The following CDH13 variants were observed in gnomAD, a reference collection of about 807,000 sequenced individuals.
The protein encoded by CDH13 is cadherin-13.
In CDH13, 24 loss-of-function variants were observed where a neutral mutation model predicts 63.8. That is an observed-to-expected ratio of 0.38 (90% CI 0.27 to 0.53). CDH13 has a LOEUF of 0.53. Ranked by LOEUF, CDH13 falls within the 20% of genes least tolerant of loss-of-function variation. CDH13 has a pLI of 0.85. For synonymous variants in CDH13, 503 were observed against 355.3 expected (o/e 1.42, Z -4.67); for missense variants, 1,049 against 903.1 (o/e 1.16, Z -2.07).
At chr16:83,571,884 G>A (rs556682740) in intron 7 of CDH13, among the ~76,000 whole-genome samples, 11 of 152,100 alleles carry the variant, frequency 7.2e-5, no homozygotes, top group Non-Finnish European at 7.4e-5. Flanking sequence ...CGTGCACTCC[G>A]GCCACAGAAC....
intron 5 of CDH13, among the ~76,000 whole-genome samples, chr16:83,300,053 A>G (rs967041256): frequency 6.6e-6 from 1 of 152,228 alleles, no homozygotes; most frequent in African/African-American, 2.4e-5. Context: ...CACTTTTGCC[A>G]TATTCTGTTC....
At chr16:82,929,061 C>G (rs1412512361) in intron 2 of CDH13, among the ~76,000 whole-genome samples, 1 of 152,066 alleles carries the variant, frequency 6.6e-6, no homozygotes, top group South Asian at 2.1e-4. Flanking sequence ...TTTTTGGAAC[C>G]ATTGTTTGTA....
intron 3 of CDH13, among the ~76,000 whole-genome samples, chr16:83,033,992 C>T (rs964921052): frequency 2.0e-5 from 3 of 152,022 alleles, no homozygotes; most frequent in South Asian, 2.1e-4. Flanking sequence ...AGTGGTGGAG[C>T]GAGTGTGGGT....
intron 3 of CDH13, among the ~76,000 whole-genome samples, chr16:83,121,743 G>A (rs978999770): frequency 9.2e-5 from 14 of 152,128 alleles, no homozygotes; most frequent in African/African-American, 1.4e-4. Context: ...TGAATGTAAC[G>A]TTTGGATGGG....
intron 3 of CDH13, among the ~76,000 whole-genome samples, chr16:83,061,271 C>G (rs2031525183): frequency 6.6e-6 from 1 of 152,168 alleles, no homozygotes; most frequent in Non-Finnish European, 1.5e-5. Context: ...GGAGATAACT[C>G]AAGAGGTGAC....
rs146864515 is a variant in CDH13, at chr16:83,544,908, C to A, written c.961-57546C>A. Among the ~76,000 whole-genome samples the A allele has an allele frequency of 2.7e-3, 406 of 152,264 alleles. 4 individuals are homozygous for A. Among genetic ancestry groups the A allele is most frequent in the African/African-American group, 9.1e-3 (380 of 41,556 alleles). On this transcript the variant is annotated intron_variant, in intron 7 of 13. Transcript: ENST00000567109. ...GCTCAATAAATGTTAGTTCTTCTCC[C>A]CGTTAGCCGTCATTACATTCACAGG...
chr16:83,263,080 T>G (rs1223115915), intron 5 of CDH13, among the ~76,000 whole-genome samples: 1 of 152,194 alleles, frequency 6.6e-6, no homozygotes, highest in Non-Finnish European at 1.5e-5. Flanking sequence ...TGAATACATA[T>G]TAGCTATGGA....
chr16:82,692,879 G>A (rs7195110), intron 1 of CDH13, among the ~76,000 whole-genome samples: 72,166 of 151,962 alleles, frequency 0.47, 18,183 homozygotes, highest in East Asian at 0.67. Context: ...TGGTCTTCAC[G>A]GCCTCAGGTA....
At chr16:83,787,170 ACTTTT>A (rs1915942631) in intron 13 of CDH13, among the ~76,000 whole-genome samples, 1 of 152,074 alleles carries the variant, frequency 6.6e-6, no homozygotes, top group Admixed American at 6.6e-5. Flanking sequence ...TCTGCGACTT[ACTTTT>A]CTTCCTACCT....
At position 83,667,426 on chromosome 16, in the gene CDH13, A is replaced by C. The variant is rs114131514; in HGVS notation, c.1102-3364A>C. ...CATCCACCCACCTACCCATCCATCC[A>C]TCCACCACCCACCCATCCATCCACC... On this transcript the variant is annotated intron_variant, in intron 8 of 13. Coordinates refer to ENST00000567109, the MANE Select transcript of CDH13 (RefSeq NM_001257.5). 3.4e-3 allele frequency among the ~76,000 whole-genome samples: 509 copies of C among 151,874 alleles called. 7 individuals carry two copies. The highest frequency in any genetic ancestry group is 0.012 in the African/African-American group (490 of 41,410).
chr16:83,147,595 C>A (rs1049230385), intron 4 of CDH13, among the ~76,000 whole-genome samples: 1 of 152,166 alleles, frequency 6.6e-6, no homozygotes, highest in African/African-American at 2.4e-5. Context: ...GGAACATTTG[C>A]CTTCCTTGAA....
intron 6 of CDH13, among the ~76,000 whole-genome samples, chr16:83,454,345 A>G (rs1005510823): frequency 6.6e-6 from 1 of 152,228 alleles, no homozygotes; most frequent in East Asian, 1.9e-4. Context: ...AAAAGAAATC[A>G]AAGTGACAGT....
At chr16:83,371,510 G>C (rs545685226) in intron 6 of CDH13, among the ~76,000 whole-genome samples, 1 of 152,192 alleles carries the variant, frequency 6.6e-6, no homozygotes, top group Non-Finnish European at 1.5e-5. Flanking sequence ...TGTTGTGAAA[G>C]ATAATTTTAG....
At chr16:83,782,000 T>A (rs1202876132) in intron 12 of CDH13, among the ~76,000 whole-genome samples, 2 of 152,328 alleles carry the variant, frequency 1.3e-5, no homozygotes, top group East Asian at 3.9e-4. Flanking sequence ...GCTGTTTGAT[T>A]TAATCTGCCA....
intron 4 of CDH13, among the ~76,000 whole-genome samples, chr16:83,210,857 AG>A (rs1459234113): frequency 6.6e-6 from 1 of 151,264 alleles, no homozygotes; most frequent in Non-Finnish European, 1.5e-5. Flanking sequence ...AAAAAAAAAA[AG>A]GTTACTAGAG....
At chr16:83,136,968 C>T (rs2036316838) in intron 4 of CDH13, among the ~76,000 whole-genome samples, 1 of 152,212 alleles carries the variant, frequency 6.6e-6, no homozygotes, top group Non-Finnish European at 1.5e-5. Context: ...CTTACAAAAT[C>T]TCTGAATGTT....
chr16:83,749,360 G>C (rs1374455012), intron 11 of CDH13, among the ~76,000 whole-genome samples: 6 of 152,150 alleles, frequency 3.9e-5, no homozygotes, highest in African/African-American at 1.2e-4. Context: ...TCAAAATAAA[G>C]GTGAGCCTTG....
At chr16:83,063,762 A>T (rs548795297) in intron 3 of CDH13, among the ~76,000 whole-genome samples, 1 of 152,176 alleles carries the variant, frequency 6.6e-6, no homozygotes, top group African/African-American at 2.4e-5. Context: ...CAAGGCCAAA[A>T]TCAAGGTGTC....
intron 2 of CDH13, among the ~76,000 whole-genome samples, chr16:82,864,494 G>A (rs1170723974): frequency 6.6e-6 from 1 of 152,066 alleles, no homozygotes; most frequent in African/African-American, 2.4e-5. Flanking sequence ...TCAGAAGGTG[G>A]CAGGAAGGAG....
Sources: gnomAD v4.1 joint callset for allele counts (sites outside exome capture counted in the v4.1 genomes callset) on GRCh38, gnomAD v4.1.1 for gene constraint, MANE v1.5 for transcripts, NCBI Gene and HGNC (gene_info 2026-07-23, HGNC 2026-07-21) for gene names.